Variants in USB1 observed in about 807,000 individuals in gnomAD.
The protein encoded by USB1 is U6 snRNA biogenesis phosphodiesterase 1.
A neutral mutation model predicts 29.9 loss-of-function variants in USB1; 21 were observed. The observed-to-expected ratio is 0.70, with a 90% CI of 0.50 to 1.01. USB1 has a LOEUF of 1.01. USB1 is among the 50% of genes least tolerant of loss of function. The pLI, the probability that USB1 is intolerant of heterozygous loss-of-function variation, is 0.00. For missense variants in USB1, 330 were observed against 347.1 expected (o/e 0.95, Z 0.39); for synonymous variants, 143 against 134.9 (o/e 1.06, Z -0.42).
chr16:58,012,742 A>G, intron 3 of USB1: 1 of 1,061,860 alleles, frequency 9.4e-7, no homozygotes, highest in Non-Finnish European at 1.1e-6. Flanking sequence ...GAAGGAGGAG[A>G]GCGGCTATGT....
chr16:58,020,008 A>T, intron 6 of USB1, 133 bp from the exon 7 acceptor site: 1 of 786,908 alleles, frequency 1.3e-6, no homozygotes, highest in Non-Finnish European at 2.2e-6. Context: ...CAAGATCACC[A>T]ATGCAGAGCC....
At chr16:58,018,587 G>A (rs1441508886) in intron 5 of USB1, among the ~76,000 whole-genome samples, 1 of 152,082 alleles carries the variant, frequency 6.6e-6, no homozygotes, top group Non-Finnish European at 1.5e-5. Flanking sequence ...CACATGGCGG[G>A]GCAGGGGTTG....
At chr16:58,004,888 C>T (rs954766121) in intron 2 of USB1, among the ~76,000 whole-genome samples, 57 of 152,208 alleles carry the variant, frequency 3.7e-4, no homozygotes, top group African/African-American at 1.3e-3. Context: ...ACGCGGAGAC[C>T]GGTAGTGGCC....
intron 2 of USB1, among the ~76,000 whole-genome samples, chr16:58,006,468 G>C (rs1427795215): frequency 2.4e-5 from 1 of 42,174 alleles, no homozygotes; most frequent in Non-Finnish European, 4.7e-5. Context: ...GACCAGCCTG[G>C]CCAACATGGC....
rs537911808 is a variant in USB1, at chr16:58,011,368, G to A, written c.449+1256G>A. ...AGGGTTAGTACCAGACCCCACTTCT[G>A]GTTTTGTCTGCCAGCCTGGGGCTTT... On this transcript the variant is annotated intron_variant, in intron 3 of 6. Coordinates refer to ENST00000219281, the MANE Select transcript of USB1 (RefSeq NM_024598.4). 4 of 1,227,334 alleles carry A rather than the reference G, an allele frequency of 3.3e-6. No homozygotes were observed. The African/African-American group carries it at 6.1e-5, about 19-fold the overall frequency. 76.0% of individuals were successfully genotyped at this position (1,227,334 alleles called of 1,614,324 possible). A position where few individuals can be genotyped will look rare whatever the true frequency, so the allele number is the denominator to read the frequency against.
chr16:58,012,151 G>C, intron 3 of USB1: 1 of 1,426,344 alleles, frequency 7.0e-7, no homozygotes, highest in Non-Finnish European at 9.1e-7. Context: ...TGCTCAGTTA[G>C]CTGAACCCCT....
chr16:58,006,883 G>C (rs2142297518), intron 2 of USB1, among the ~76,000 whole-genome samples: 1 of 152,270 alleles, frequency 6.6e-6, no homozygotes, highest in South Asian at 2.1e-4. Flanking sequence ...AGTTAACAAA[G>C]TTCCCCTCTA....
In USB1 at chr16:58,013,344, AT is replaced by A. The variant is rs1963541082; in HGVS notation, c.450-925del. The A allele has an allele frequency of 2.0e-6, 2 of 985,276 alleles. No homozygotes were observed. Among genetic ancestry groups the A allele is most frequent in the Non-Finnish European group, 2.4e-6 (2 of 829,980 alleles). The allele number at this position is 985,276 out of a possible 1,614,324, so 61.0% of individuals were successfully genotyped here. On this transcript the variant is annotated intron_variant, in intron 3 of 6. Coordinates refer to ENST00000219281, the MANE Select transcript of USB1 (RefSeq NM_024598.4). The surrounding 1 kb of genome is among the most constrained non-coding windows in gnomAD (Gnocchi z 4.3). Reference sequence around the variant, plus strand: ...TCCTGGTGGTTCTGTGATCCCTTACATTTTCTCCAGAGGCAGAGAGTTGGCT... The same window carrying A: ...TCCTGGTGGTTCTGTGATCCCTTACATTTCTCCAGAGGCAGAGAGTTGGCT...
At position 58,002,536 on chromosome 16, in the gene USB1, G is replaced by C. The variant is rs1307360513; in HGVS notation, c.156G>C (p.Met52Ile). Residue 52 changes from methionine to isoleucine, a missense_variant, in exon 2 of 7, where the codon ATG becomes ATC. Coordinates refer to ENST00000219281, the MANE Select transcript of USB1 (RefSeq NM_024598.4). Reference sequence around the variant, plus strand: ...CAGTACCTGACAGTGTGCTGAACATGTTCCCGGGCACCGAGGAGGGGCCTG... The same window carrying C: ...CAGTACCTGACAGTGTGCTGAACATCTTCCCGGGCACCGAGGAGGGGCCTG... ...RFPVPDSVLN[M>I]FPGTEEGPED... is the part of the protein sequence containing the mutation. The C allele has an allele frequency of 6.2e-7, 1 of 1,614,006 alleles. No homozygotes were observed. The highest frequency in any genetic ancestry group is 1.3e-5 in the African/African-American group (1 of 74,914).
chr16:58,001,403 G>C, upstream of USB1: 2 of 1,514,974 alleles, frequency 1.3e-6, no homozygotes, highest in South Asian at 1.2e-5. Context: ...GCCCCTGGGA[G>C]GGCGCTTCCG....
intron 1 of USB1, among the ~76,000 whole-genome samples, chr16:58,002,057 C>T (rs550946906): frequency 1.3e-5 from 2 of 152,320 alleles, no homozygotes; most frequent in African/African-American, 4.8e-5. Context: ...AAATGCTAGG[C>T]CTTATCTTTG....
chr16:58,012,650 C>T, intron 3 of USB1: 1 of 1,267,346 alleles, frequency 7.9e-7, no homozygotes, highest in Non-Finnish European at 1.0e-6. Context: ...TGTGTGCTTT[C>T]TTTGGGAGTA....
rs563553918 is a variant in USB1, at chr16:58,020,586, TCTC to T, written c.*345_*347del. On this transcript the variant is annotated 3_prime_UTR_variant, in exon 7 of 7. Transcript: ENST00000219281. ...CCTCTCTTCCTCTCCTCTCTCTTCC[TCTC>T]CTCTCTCTACCCCTCCTGTCTCTCC... 36 of 358,354 alleles carry T rather than the reference TCTC, an allele frequency of 1.0e-4. No homozygotes were observed. The highest frequency in any genetic ancestry group is 7.6e-4 in the African/African-American group (33 of 43,558). The allele number at this position is 358,354 out of a possible 1,614,324, so 22.2% of individuals were successfully genotyped here.
intron 3 of USB1, chr16:58,011,780 CA>C: frequency 3.0e-6 from 3 of 987,386 alleles, no homozygotes; most frequent in Non-Finnish European, 3.6e-6. Context: ...CACATTCCTC[CA>C]GGCCAGGACT....
intron 2 of USB1, among the ~76,000 whole-genome samples, chr16:58,003,877 T>C (rs1567417130): frequency 6.6e-6 from 1 of 152,202 alleles, no homozygotes; most frequent in Non-Finnish European, 1.5e-5. Flanking sequence ...GCAAATACAT[T>C]TTTTTCCCAG....
chr16:58,012,835 C>T (rs1302682648), intron 3 of USB1: 1 of 992,576 alleles, frequency 1.0e-6, no homozygotes, highest in Non-Finnish European at 1.2e-6. Context: ...GGCCTGGGCT[C>T]CCCTGCATAC....
chr16:58,005,246 G>C (rs1963323716), intron 2 of USB1, among the ~76,000 whole-genome samples: 1 of 152,158 alleles, frequency 6.6e-6, no homozygotes, highest in Non-Finnish European at 1.5e-5. Context: ...GGGCCTAACT[G>C]ATGTTAGGCC....
At chr16:58,001,372 G>A, upstream of USB1, 2 of 1,280,262 alleles carry the variant, frequency 1.6e-6, no homozygotes, top group African/African-American at 2.9e-5. Context: ...TCCGCCCCGA[G>A]GCGGTGCCAG....
intron 3 of USB1, chr16:58,011,015 C>T: frequency 1.4e-6 from 1 of 709,176 alleles, no homozygotes; most frequent in Non-Finnish European, 2.6e-6. Flanking sequence ...TTTCTGTGAT[C>T]AGCCCCCATC....
Sources: gnomAD v4.1 joint callset for allele counts (sites outside exome capture counted in the v4.1 genomes callset) on GRCh38, gnomAD v4.1.1 for gene constraint, Gnocchi (gnomAD v3.1) non-coding constraint, MANE v1.5 for transcripts, NCBI Gene and HGNC (gene_info 2026-07-23, HGNC 2026-07-21) for gene names.